CAMKV: variants seen among roughly 807,000 people sequenced by gnomAD.
CAMKV encodes CaM kinase like vesicle associated, also known as caM kinase-like vesicle-associated protein.
CAMKV carries 5 observed loss-of-function variants against 50.2 expected under a neutral mutation model. That is an observed-to-expected ratio of 0.10 (90% CI 0.05 to 0.21). The LOEUF (loss-of-function observed/expected upper bound fraction) is 0.21, where lower values mean the gene tolerates loss of function less well. Ranked by LOEUF, CAMKV falls within the 10% of genes least tolerant of loss-of-function variation. The probability of loss-of-function intolerance (pLI) is 1.00; values close to 1 mark genes in which losing one functional copy is unlikely to be tolerated. For missense variants in CAMKV, 361 were observed against 650.5 expected, an observed-to-expected ratio of 0.55 and a Z score of 4.84; for synonymous variants, 229 against 250.1, an observed-to-expected ratio of 0.92 and a Z score of 0.80.
At position 49,862,452 on chromosome 3, in the gene CAMKV, A is replaced by C; in HGVS notation, c.-14-50T>G. 6.6e-7 allele frequency: 1 copy of C among 1,504,404 alleles called. No homozygotes were observed. The highest frequency in any genetic ancestry group is 2.2e-5 in the East Asian group (1 of 44,452). 93.2% of individuals were successfully genotyped at this position (1,504,404 alleles called of 1,614,324 possible). A position where few individuals can be genotyped will look rare whatever the true frequency, so the allele number is the denominator to read the frequency against. ...TAGCTGTACTACTCTCCACTTCCCC[A>C]CAACATAGGGGCTGCTTTTGGGAGA... On this transcript the variant is annotated intron_variant, in intron 1 of 10. Coordinates refer to ENST00000477224, the MANE Select transcript of CAMKV (RefSeq NM_024046.5). The surrounding 1 kb of genome is among the most constrained non-coding windows in gnomAD (Gnocchi z 5.2).
chr3:49,860,115 G>A lies in CAMKV; in HGVS notation c.942+56C>T. 6.7e-7 allele frequency: 1 copy of A among 1,484,408 alleles called. No individual in the cohort carries two copies. Among genetic ancestry groups the A allele is most frequent in the Non-Finnish European group, 9.4e-7 (1 of 1,062,464 alleles). 92.0% of individuals were successfully genotyped at this position (1,484,408 alleles called of 1,614,324 possible). On this transcript the variant is annotated intron_variant, in intron 10 of 10. Transcript: ENST00000477224. The surrounding 1 kb of genome is among the most constrained non-coding windows in gnomAD (Gnocchi z 6.1). Reference sequence around the variant, plus strand: ...AGGGGTGTGATGCAGGCAAGAAACTGAGTGCCAGAAGCAATACTTGGGATA... The same window carrying A: ...AGGGGTGTGATGCAGGCAAGAAACTAAGTGCCAGAAGCAATACTTGGGATA...
Position 49,862,866 on chromosome 3 carries a change from C to T in CAMKV, c.-14-464G>A, listed in dbSNP as rs183300940. Among the ~76,000 whole-genome samples the T allele has an allele frequency of 1.8e-4, 28 of 152,280 alleles. No homozygotes were observed. The highest frequency in any genetic ancestry group is 3.4e-4 in the Non-Finnish European group (23 of 68,030). On this transcript the variant is annotated intron_variant, in intron 1 of 10. Transcript: ENST00000477224. The surrounding 1 kb of genome is among the most constrained non-coding windows in gnomAD (Gnocchi z 5.2). ...TTTGTAAAGCAGTTTGGTAAAACCA[C>T]TAAAGTCAAACAAACATACCCTATG...
Position 49,861,507 on chromosome 3 carries a change from C to T in CAMKV, c.373G>A (p.Val125Met). The T allele has an allele frequency of 1.2e-6, 2 of 1,614,224 alleles. No individual in the cohort carries two copies. The highest frequency in any genetic ancestry group is 1.7e-6 in the Non-Finnish European group (2 of 1,180,050). ...GYYSERDTSN[V>M]VRQVLEAVAY... ...ACGGCCTCCAGGACTTGCCGTACCA[C>T]GTTGCTTGTGTCTCGCTCCGAGTAG... Residue 125 changes from valine (V) to methionine (M), a missense_variant, in exon 5 of 11, where the codon GTG becomes ATG. Around this residue, in one of 4 missense-constraint regions of CAMKV, gnomAD observed 172 missense variants for 414.3 expected, o/e 0.42. Coordinates refer to ENST00000477224, the MANE Select transcript of CAMKV (RefSeq NM_024046.5). This position sits in a 1 kb window ranked among gnomAD's most constrained non-coding sequence, Gnocchi z 7.7.
rs964670421 is a variant in CAMKV at position 49,862,953 on chromosome 3, A to G, written c.-14-551T>C. On this transcript the variant is annotated intron_variant, in intron 1 of 10. Transcript: ENST00000477224. This position sits in a 1 kb window ranked among gnomAD's most constrained non-coding sequence, Gnocchi z 5.2. The stretch of plus-strand genomic sequence containing the variant: ...AGTGCACATATTCGTGCATCAGGAC[A>G]GTCATACAATGCTCATAGTAGCCAT... 6.6e-6 allele frequency among the ~76,000 whole-genome samples: 1 copy of G among 152,264 alleles called. No individual in the cohort carries two copies. Among genetic ancestry groups the G allele is most frequent in the Non-Finnish European group, 1.5e-5 (1 of 68,040 alleles).
At chr3:49,863,186 GGC>G (rs2082037826) in intron 1 of CAMKV, among the ~76,000 whole-genome samples, 1 of 152,168 alleles carries the variant, frequency 6.6e-6, no homozygotes, top group African/African-American at 2.4e-5. Flanking sequence ...AGTTCAAACA[GGC>G]AGAACAAACC....
At position 49,861,457 on chromosome 3, in the gene CAMKV, G is replaced by A. The variant is rs748592570; in HGVS notation, c.423C>T (p.Ile141=). The change falls in exon 5 of 11, where the codon ATC becomes ATT. Residue 141 remains isoleucine (I), a synonymous_variant. Transcript: ENST00000477224. The surrounding 1 kb of genome is among the most constrained non-coding windows in gnomAD (Gnocchi z 7.7). ...EAVAYLHSLK[I]VHRNLKLENL... ...CCCTCACCTTGAGATTCCTGTGCACGATCTTGAGTGAGTGCAAATAGGCCA... is the reference window on the plus strand; with the variant it reads ...CCCTCACCTTGAGATTCCTGTGCACAATCTTGAGTGAGTGCAAATAGGCCA... The A allele has an allele frequency of 7.4e-6, 12 of 1,613,998 alleles. No individual in the cohort carries two copies. The highest frequency in any genetic ancestry group is 1.1e-5 in the South Asian group (1 of 91,088).
intron 1 of CAMKV, among the ~76,000 whole-genome samples, chr3:49,864,305 T>C (rs933405068): frequency 6.6e-6 from 1 of 152,188 alleles, no homozygotes; most frequent in Non-Finnish European, 1.5e-5. Flanking sequence ...AAAACAAGCC[T>C]GATCCTGGTC....
chr3:49,859,099 G>C lies in CAMKV; in HGVS notation c.*219C>G, dbSNP rs2081998971. The C allele has an allele frequency of 4.3e-6, 2 of 466,290 alleles. No homozygotes were observed. Among genetic ancestry groups the C allele is most frequent in the East Asian group, 6.3e-5 (2 of 31,962 alleles). The allele number at this position is 466,290 out of a possible 1,614,324, so 28.9% of individuals were successfully genotyped here. On this transcript the variant is annotated 3_prime_UTR_variant, in exon 11 of 11. Coordinates refer to ENST00000477224, the MANE Select transcript of CAMKV (RefSeq NM_024046.5). This position sits in a 1 kb window ranked among gnomAD's most constrained non-coding sequence, Gnocchi z 5.5. ...GAAAAGCCACAAGGAATCCATGCAG[G>C]GGCTGGGGCCGGCCCTGCCACTGGC...
rs745483940 is a variant in CAMKV, at chr3:49,860,464, T to C, written c.854+7A>G. 1 of 1,555,392 alleles carries C rather than the reference T, an allele frequency of 6.4e-7. No individual in the cohort carries two copies. The highest frequency in any genetic ancestry group is 8.8e-7 in the Non-Finnish European group (1 of 1,135,042). On this transcript the variant is annotated splice_region_variant and intron_variant, in intron 9 of 10. Coordinates refer to ENST00000477224, the MANE Select transcript of CAMKV (RefSeq NM_024046.5). The surrounding 1 kb of genome is among the most constrained non-coding windows in gnomAD (Gnocchi z 6.1). The stretch of plus-strand genomic sequence containing the variant: ...GCCTCTCCCACCCTCCCCTGGACCC[T>C]GCTCACCACTCATGGGAGATGGCCT...
In CAMKV at chr3:49,860,021, T is replaced by C; in HGVS notation, c.943-140A>G. The C allele has an allele frequency of 9.5e-7, 1 of 1,047,684 alleles. No individual in the cohort carries two copies. The highest frequency in any genetic ancestry group is 2.5e-5 in the East Asian group (1 of 39,862). 64.9% of individuals were successfully genotyped at this position (1,047,684 alleles called of 1,614,324 possible). A position where few individuals can be genotyped will look rare whatever the true frequency, so the allele number is the denominator to read the frequency against. ...GGCCAAGTACTCAGCTGCTCAGCAC[T>C]CCTACTTAAGGTAATCACAGTGGCT... is the stretch of plus-strand genomic sequence containing the variant. On this transcript the variant is annotated intron_variant, in intron 10 of 10. Coordinates refer to ENST00000477224, the MANE Select transcript of CAMKV (RefSeq NM_024046.5). The surrounding 1 kb of genome is among the most constrained non-coding windows in gnomAD (Gnocchi z 6.1).
chr3:49,859,949 A>G lies in CAMKV; in HGVS notation c.943-68T>C. On this transcript the variant is annotated intron_variant, in intron 10 of 10. Coordinates refer to ENST00000477224, the MANE Select transcript of CAMKV (RefSeq NM_024046.5). The surrounding 1 kb of genome is among the most constrained non-coding windows in gnomAD (Gnocchi z 5.5). ...TGGATCCATTGCTTGGCAGTGACCA[A>G]ACCAAACTCCTTCCATAGTACCCCC... 7.0e-7 allele frequency: 1 copy of G among 1,428,510 alleles called. No individual in the cohort carries two copies. The highest frequency in any genetic ancestry group is 9.3e-7 in the Non-Finnish European group (1 of 1,071,704). 88.5% of individuals were successfully genotyped at this position (1,428,510 alleles called of 1,614,324 possible).
Position 49,858,675 on chromosome 3 carries a change from A to C in CAMKV, c.*643T>G, listed in dbSNP as rs765482637. On this transcript the variant is annotated 3_prime_UTR_variant, in exon 11 of 11. Coordinates refer to ENST00000477224, the MANE Select transcript of CAMKV (RefSeq NM_024046.5). ...TAACAGGGTCTTAGGAAGGACAAAA[A>C]TGGAAGCTTCTGCCCTCCTACTCAT... 23 of 262,826 alleles carry C rather than the reference A, an allele frequency of 8.8e-5. No homozygotes were observed. The highest frequency in any genetic ancestry group is 1.6e-4 in the Non-Finnish European group (22 of 140,384). The allele number at this position is 262,826 out of a possible 1,614,324, so 16.3% of individuals were successfully genotyped here.
rs758453823 is a variant in CAMKV at position 49,861,069 on chromosome 3, A to G, written c.563-51T>C. ...GTCAGTATCAGGCCTAGCCAGGTCC[A>G]GTACCATCCACACCAGCTTCCTGAG... On this transcript the variant is annotated intron_variant, in intron 6 of 10. Transcript: ENST00000477224. The surrounding 1 kb of genome is among the most constrained non-coding windows in gnomAD (Gnocchi z 7.7). 6.2e-7 allele frequency: 1 copy of G among 1,611,514 alleles called. No individual in the cohort carries two copies. The highest frequency in any genetic ancestry group is 1.1e-5 in the South Asian group (1 of 90,812).
In CAMKV at chr3:49,861,135, G is replaced by T. The variant is rs571176936; in HGVS notation, c.562+45C>A. ...CCCTGCCCAGAGCAGCTCCCTGAAGGCTGCCCCCCATTATCCCCCTGCCCC... is the reference window on the plus strand; with the variant it reads ...CCCTGCCCAGAGCAGCTCCCTGAAGTCTGCCCCCCATTATCCCCCTGCCCC... On this transcript the variant is annotated intron_variant, in intron 6 of 10. Coordinates refer to ENST00000477224, the MANE Select transcript of CAMKV (RefSeq NM_024046.5). This position sits in a 1 kb window ranked among gnomAD's most constrained non-coding sequence, Gnocchi z 7.7. The T allele has an allele frequency of 2.5e-6, 4 of 1,584,922 alleles. No homozygotes were observed. In the Admixed American group the frequency reaches 5.4e-5, roughly 21 times the overall value.
Position 49,861,850 on chromosome 3 carries a change from G to A in CAMKV, c.243C>T (p.Asn81=). 1 of 1,613,918 alleles carries A rather than the reference G, an allele frequency of 6.2e-7. No homozygotes were observed. Among genetic ancestry groups the A allele is most frequent in the Non-Finnish European group, 8.5e-7 (1 of 1,179,894 alleles). The part of the protein sequence containing the change: ...IGILKMVKHP[N]ILQLVDVFVT... The stretch of plus-strand genomic sequence containing the variant: ...CAAACACATCCACCAGCTGTAGGAT[G>A]TTGGGATGCTTCACCCTGGCGACAG... Residue 81 remains asparagine, a synonymous_variant, in exon 4 of 11, where the codon AAC becomes AAT. Coordinates refer to ENST00000477224, the MANE Select transcript of CAMKV (RefSeq NM_024046.5). The surrounding 1 kb of genome is among the most constrained non-coding windows in gnomAD (Gnocchi z 7.7).
At chr3:49,867,284 C>T (rs1168413347) in intron 1 of CAMKV, among the ~76,000 whole-genome samples, 14 of 152,286 alleles carry the variant, frequency 9.2e-5, no homozygotes, top group Admixed American at 9.2e-4. Flanking sequence ...GGTCAAGGGG[C>T]TGCCCTGACT....
In CAMKV at chr3:49,862,006, T is replaced by A; in HGVS notation, c.227+39A>T. Reference sequence around the variant, plus strand: ...ACTTGCCCTCTAAGCCCTTCCCTGCTGCCTCCCACCCCGCCCCAATCCCAG... The same window carrying A: ...ACTTGCCCTCTAAGCCCTTCCCTGCAGCCTCCCACCCCGCCCCAATCCCAG... On this transcript the variant is annotated intron_variant, in intron 3 of 10. Transcript: ENST00000477224. The surrounding 1 kb of genome is among the most constrained non-coding windows in gnomAD (Gnocchi z 5.2). 1 of 1,613,602 alleles carries A rather than the reference T, an allele frequency of 6.2e-7. No individual in the cohort carries two copies. The highest frequency in any genetic ancestry group is 8.5e-7 in the Non-Finnish European group (1 of 1,179,740).
chr3:49,861,169 C>T lies in CAMKV; in HGVS notation c.562+11G>A. ...CATTATCCCCCTGCCCCTGCCCCAC[C>T]CCCTGCTTGCCCAGATACTCGGGGG... On this transcript the variant is annotated intron_variant, in intron 6 of 10. Transcript: ENST00000477224. This position sits in a 1 kb window ranked among gnomAD's most constrained non-coding sequence, Gnocchi z 7.7. 6.2e-7 allele frequency: 1 copy of T among 1,610,678 alleles called. No individual in the cohort carries two copies. Among genetic ancestry groups the T allele is most frequent in the South Asian group, 1.1e-5 (1 of 90,618 alleles).
chr3:49,860,557 C>A lies in CAMKV; in HGVS notation c.776-8G>T, dbSNP rs1325605063. The A allele has an allele frequency of 6.2e-7, 1 of 1,612,368 alleles. No homozygotes were observed. Among genetic ancestry groups the A allele is most frequent in the South Asian group, 1.1e-5 (1 of 90,792 alleles). ...TTGTGACCAGGTCTTTGGCTGTGGA[C>A]AAAACCAAGAAGGGGATAGTCATGG... On this transcript the variant is annotated splice_polypyrimidine_tract_variant and splice_region_variant and intron_variant, in intron 8 of 10. Coordinates refer to ENST00000477224, the MANE Select transcript of CAMKV (RefSeq NM_024046.5). This position sits in a 1 kb window ranked among gnomAD's most constrained non-coding sequence, Gnocchi z 6.1.
Sources: allele counts gnomAD v4.1 joint callset (sites outside exome capture counted in the v4.1 genomes callset), GRCh38; gene constraint gnomAD v4.1.1; regional missense constraint gnomAD v4.1.1; non-coding constraint Gnocchi (gnomAD v3.1); transcripts MANE v1.5; gene names NCBI Gene and HGNC (gene_info 2026-07-23, HGNC 2026-07-21).